The following LRP2 variants were observed in gnomAD, a reference collection of about 807,000 sequenced individuals.
LRP2 encodes low-density lipoprotein receptor-related protein 2.
Under a neutral mutation model 531.0 loss-of-function variants are expected in LRP2, and 172 were observed. The observed-to-expected ratio is 0.32, with a 90% CI of 0.29 to 0.37. The LOEUF is 0.37. LRP2 is among the 10% of genes least tolerant of loss of function. The pLI, the probability that LRP2 is intolerant of heterozygous loss-of-function variation, is 1.00. For missense variants in LRP2, 5,167 were observed against 5,868.3 expected (o/e 0.88, Z 3.90); for synonymous variants, 1,992 against 2,027.6 (o/e 0.98, Z 0.47).
chr2:169,175,482 C>T (rs541075926), intron 54 of LRP2, 93 bp from the exon 55 acceptor site: 34 of 1,138,728 alleles, frequency 3.0e-5, no homozygotes, highest in African/African-American at 3.0e-5. Context: ...CAAGAAATGA[C>T]ATGCATGAGC....
chr2:169,202,573 C>T (rs1379391458), intron 43 of LRP2, among the ~76,000 whole-genome samples, 183 bp downstream of exon 43: 1 of 152,194 alleles, frequency 6.6e-6, no homozygotes, highest in Non-Finnish European at 1.5e-5. Context: ...TGCTTGTGCT[C>T]TTAACCACTA....
chr2:169,289,252 G>A, intron 8 of LRP2, 107 bp from the exon 9 acceptor site: 2 of 1,412,132 alleles, frequency 1.4e-6, no homozygotes, highest in South Asian at 1.2e-5. Context: ...GCATGAAGTA[G>A]ATGTACAGAA....
chr2:169,279,617 T>A (rs1559054377), intron 11 of LRP2, 22 bp from the exon 12 acceptor site: 1 of 1,462,788 alleles, frequency 6.8e-7, no homozygotes, highest in African/African-American at 1.4e-5. Context: ...ACCAAAATTA[T>A]TATATTTCTT....
At chr2:169,248,302 T>C (rs146266609) in intron 19 of LRP2, among the ~76,000 whole-genome samples, 1 of 152,366 alleles carries the variant, frequency 6.6e-6, no homozygotes, top group African/African-American at 2.4e-5. Flanking sequence ...TTAATGATAG[T>C]TTAACTAGAA....
At chr2:169,161,357 T>C (rs929712074) in intron 63 of LRP2, among the ~76,000 whole-genome samples, 2 of 152,224 alleles carry the variant, frequency 1.3e-5, no homozygotes, top group African/African-American at 4.8e-5. Flanking sequence ...AGGTGTGACT[T>C]AGTAACATGT....
intron 3 of LRP2, among the ~76,000 whole-genome samples, chr2:169,311,636 G>A (rs1353172212): frequency 1.3e-5 from 2 of 152,160 alleles, no homozygotes; most frequent in African/African-American, 2.4e-5. Context: ...GGTCAATATT[G>A]AAATAAGTGC....
At chr2:169,269,080 A>T (rs1321273688) in intron 16 of LRP2, among the ~76,000 whole-genome samples, 1 of 152,202 alleles carries the variant, frequency 6.6e-6, no homozygotes, top group Non-Finnish European at 1.5e-5. Flanking sequence ...AGAACTACAA[A>T]CCACTGCTCA....
intron 48 of LRP2, among the ~76,000 whole-genome samples, chr2:169,188,941 C>T (rs1044363101): frequency 6.6e-6 from 1 of 152,172 alleles, no homozygotes; most frequent in Admixed American, 6.5e-5. Flanking sequence ...TGAATAAAGG[C>T]AAGCTAGTAG....
chr2:169,209,181 C>T (rs1033799701), intron 38 of LRP2, among the ~76,000 whole-genome samples: 1 of 152,100 alleles, frequency 6.6e-6, no homozygotes, highest in African/African-American at 2.4e-5. Flanking sequence ...AACAAATCCA[C>T]ATAATTTAAT....
intron 4 of LRP2, among the ~76,000 whole-genome samples, chr2:169,300,578 C>G (rs1164097508): frequency 6.6e-6 from 1 of 152,102 alleles, no homozygotes; most frequent in Non-Finnish European, 1.5e-5. Context: ...TAATTGGCAA[C>G]AGCTAAGAGG....
At chr2:169,340,999 G>T in intron 1 of LRP2, among the ~76,000 whole-genome samples, 1 of 152,126 alleles carries the variant, frequency 6.6e-6, no homozygotes, top group East Asian at 1.9e-4. Flanking sequence ...CCCAAAAGGT[G>T]GTACTCTTCT....
At chr2:169,200,825 T>C (rs185866869) in intron 44 of LRP2, among the ~76,000 whole-genome samples, 4 of 152,134 alleles carry the variant, frequency 2.6e-5, no homozygotes, top group Admixed American at 2.6e-4. Context: ...AAATAATGGG[T>C]TTACGGAACA....
At position 169,207,090 on chromosome 2, in the gene LRP2, C is replaced by A. The variant is rs1040465664; in HGVS notation, c.6630G>T (p.Gly2210=). ...AAGAACGCTCAATCTTTGGTCTCTGCCCATAGTCAGCCCAGAAGAGGTATC... is the reference window on the plus strand; with the variant it reads ...AAGAACGCTCAATCTTTGGTCTCTGACCATAGTCAGCCCAGAAGAGGTATC... ...KNRYLFWADY[G]QRPKIERSFL... is the part of the protein sequence containing the mutation. Residue 2210 remains glycine, a synonymous_variant, in exon 39 of 79, where the codon GGG becomes GGT. Coordinates refer to ENST00000649046, the MANE Select transcript of LRP2 (RefSeq NM_004525.3). 12 of 1,613,104 alleles carry A rather than the reference C, an allele frequency of 7.4e-6. No homozygotes were observed. Among genetic ancestry groups the A allele is most frequent in the Non-Finnish European group, 1.0e-5 (12 of 1,179,332 alleles).
In LRP2 at chr2:169,201,825, C is replaced by T. The variant is rs750566206; in HGVS notation, c.8255G>A (p.Arg2752Gln). The T allele has an allele frequency of 1.1e-5, 17 of 1,614,062 alleles. No individual in the cohort carries two copies. Among genetic ancestry groups the T allele is most frequent in the African/African-American group, 6.7e-5 (5 of 74,932 alleles). The change falls in exon 44 of 79, where the codon CGA becomes CAA. Residue 2752 changes from arginine to glutamine, a missense_variant. Coordinates refer to ENST00000649046, the MANE Select transcript of LRP2 (RefSeq NM_004525.3). ...ACAGCGGTAAGAGTATTGGACACAT[C>T]GCCCATTGGCACAGGTGAAGGCTGT... ...SPTAFTCANG[R>Q]CVQYSYRCDY...
At chr2:169,223,522 T>C (rs1000497948) in intron 33 of LRP2, among the ~76,000 whole-genome samples, 1 of 152,166 alleles carries the variant, frequency 6.6e-6, no homozygotes, top group Non-Finnish European at 1.5e-5. Context: ...GTTGCCTGTT[T>C]AATGGGAGGA....
At chr2:169,270,434 G>T (rs560052292) in intron 16 of LRP2, among the ~76,000 whole-genome samples, 13 of 152,154 alleles carry the variant, frequency 8.5e-5, no homozygotes, top group Admixed American at 4.6e-4. Flanking sequence ...CCATAAAAAA[G>T]GATGAGTTCA....
intron 33 of LRP2, among the ~76,000 whole-genome samples, chr2:169,222,846 C>G (rs4302191): frequency 0.55 from 82,932 of 151,972 alleles, 23,800 homozygotes; most frequent in South Asian, 0.76. Context: ...CTCCGATAAG[C>G]AAGGATGTAT....
chr2:169,140,245 C>T (rs755742611), intron 72 of LRP2, among the ~76,000 whole-genome samples: 7 of 151,542 alleles, frequency 4.6e-5, no homozygotes, highest in Non-Finnish European at 8.8e-5. Flanking sequence ...GCACTTGAAC[C>T]AGATCTCCAC....
At chr2:169,331,449 C>G (rs1225063130) in intron 1 of LRP2, among the ~76,000 whole-genome samples, 1 of 152,160 alleles carries the variant, frequency 6.6e-6, no homozygotes, top group African/African-American at 2.4e-5. Flanking sequence ...TTTCTGTGCT[C>G]CCCCTGAATA....
Sources: gnomAD v4.1 joint callset for allele counts (sites outside exome capture counted in the v4.1 genomes callset) on GRCh38, gnomAD v4.1.1 for gene constraint, MANE v1.5 for transcripts, NCBI Gene and HGNC (gene_info 2026-07-23, HGNC 2026-07-21) for gene names.